Variants in TRAF3 observed in about 807,000 individuals in gnomAD.
TRAF3 encodes the protein TNF receptor associated factor 3, also known as TNF receptor-associated factor 3.
TRAF3 carries 13 observed loss-of-function variants against 62.3 expected under a neutral mutation model. The observed-to-expected ratio is 0.21, with a 90% CI of 0.14 to 0.33. The LOEUF is 0.33. TRAF3 is among the 10% of genes least tolerant of loss of function. TRAF3 has a pLI of 1.00. For synonymous variants in TRAF3, 269 were observed against 283.4 expected, an observed-to-expected ratio of 0.95 and a Z score of 0.51; for missense variants, 440 against 741.8, an observed-to-expected ratio of 0.59 and a Z score of 4.73.
intron 1 of TRAF3, among the ~76,000 whole-genome samples, chr14:102,790,827 A>G (rs747651010): frequency 6.6e-6 from 1 of 151,796 alleles, no homozygotes; most frequent in South Asian, 2.1e-4. Flanking sequence ...CAACTTTTTC[A>G]TTTTCTATAT....
intron 10 of TRAF3, among the ~76,000 whole-genome samples, chr14:102,901,124 G>A (rs987943098): frequency 6.6e-6 from 1 of 152,158 alleles, no homozygotes; most frequent in East Asian, 1.9e-4. Flanking sequence ...CTGTGCATGC[G>A]GTGCACGCAT....
At chr14:102,796,410 C>A (rs1270266996) in intron 1 of TRAF3, among the ~76,000 whole-genome samples, 2 of 152,220 alleles carry the variant, frequency 1.3e-5, no homozygotes, top group Non-Finnish European at 2.9e-5. Flanking sequence ...ACATATTTCC[C>A]TGAGTCCTGT....
chr14:102,852,976 C>G (rs1218073070), intron 2 of TRAF3, among the ~76,000 whole-genome samples: 1 of 152,154 alleles, frequency 6.6e-6, no homozygotes, highest in Non-Finnish European at 1.5e-5. Flanking sequence ...TTACTGCAAC[C>G]TCCACCTCCT....
chr14:102,882,607 C>T (rs1340971561), intron 6 of TRAF3, among the ~76,000 whole-genome samples: 1 of 150,996 alleles, frequency 6.6e-6, no homozygotes, highest in Non-Finnish European at 1.5e-5. Flanking sequence ...TATTCTCATC[C>T]CCTGAGGCCT....
intron 1 of TRAF3, among the ~76,000 whole-genome samples, chr14:102,792,293 A>C (rs964556817): frequency 6.6e-6 from 1 of 150,568 alleles, no homozygotes; most frequent in Non-Finnish European, 1.5e-5. Flanking sequence ...ACACCCTGCT[A>C]ATTTTTTAAT....
At chr14:102,788,832 T>C (rs577366597) in intron 1 of TRAF3, among the ~76,000 whole-genome samples, 1 of 150,780 alleles carries the variant, frequency 6.6e-6, no homozygotes, top group African/African-American at 2.4e-5. Flanking sequence ...CTGGGCACAG[T>C]GGCTTGAGCC....
intron 1 of TRAF3, among the ~76,000 whole-genome samples, chr14:102,808,788 T>C (rs1442345670): frequency 6.6e-6 from 1 of 152,108 alleles, no homozygotes; most frequent in Non-Finnish European, 1.5e-5. Flanking sequence ...GTTGTAGTTT[T>C]AATTTGATTG....
intron 1 of TRAF3, among the ~76,000 whole-genome samples, chr14:102,818,244 T>A (rs1275024733): frequency 6.6e-6 from 1 of 152,180 alleles, no homozygotes; most frequent in Non-Finnish European, 1.5e-5. Context: ...TTTACAATAT[T>A]TAACAATCAG....
At chr14:102,855,027 C>T (rs1887283219) in intron 2 of TRAF3, among the ~76,000 whole-genome samples, 1 of 152,122 alleles carries the variant, frequency 6.6e-6, no homozygotes, top group Admixed American at 6.5e-5. Flanking sequence ...TGGTAACTAC[C>T]AGTCTGCTTT....
intron 4 of TRAF3, among the ~76,000 whole-genome samples, chr14:102,873,463 G>T (rs1383890958): frequency 6.6e-6 from 1 of 152,182 alleles, no homozygotes; most frequent in Non-Finnish European, 1.5e-5. Flanking sequence ...TGTTTTTTTA[G>T]TATCTCTGTT....
intron 1 of TRAF3, among the ~76,000 whole-genome samples, chr14:102,807,073 C>G (rs753245689): frequency 1.3e-5 from 2 of 152,152 alleles, no homozygotes; most frequent in African/African-American, 4.8e-5. Flanking sequence ...CTGCTGATGC[C>G]GGTGGCCCCA....
In TRAF3 at chr14:102,906,475, T is replaced by G; in HGVS notation, c.*691T>G. The G allele has an allele frequency of 6.6e-6, 1 of 152,258 alleles. No homozygotes were observed. Among genetic ancestry groups the G allele is most frequent in the East Asian group, 1.9e-4 (1 of 5,206 alleles). 9.4% of individuals were successfully genotyped at this position (152,258 alleles called of 1,614,324 possible). A position where few individuals can be genotyped will look rare whatever the true frequency, so the allele number is the denominator to read the frequency against. On this transcript the variant is annotated 3_prime_UTR_variant, in exon 12 of 12. Transcript: ENST00000392745. ...ATATTTCTTGGAAGAAAATATAAAA[T>G]ATCAAACACTGGTTATCACTTGTGA...
In TRAF3 at chr14:102,826,894, T is replaced by C. The variant is rs1391728525; in HGVS notation, c.-156-3440T>C. Reference sequence around the variant, plus strand: ...GAGCTGCCCTGCTGTGTCCATGCCCTGGTGCCTCCCCGTGGTCACCATGTG... The same window carrying C: ...GAGCTGCCCTGCTGTGTCCATGCCCCGGTGCCTCCCCGTGGTCACCATGTG... On this transcript the variant is annotated intron_variant, in intron 1 of 11. Transcript: ENST00000392745. This position sits in a 1 kb window ranked among gnomAD's most constrained non-coding sequence, Gnocchi z 4.6. 6.6e-6 allele frequency among the ~76,000 whole-genome samples: 1 copy of C among 152,172 alleles called. No individual in the cohort carries two copies. Among genetic ancestry groups the C allele is most frequent in the African/African-American group, 2.4e-5 (1 of 41,442 alleles).
chr14:102,800,045 G>C (rs11624345), intron 1 of TRAF3, among the ~76,000 whole-genome samples: 1 of 151,886 alleles, frequency 6.6e-6, no homozygotes, highest in Non-Finnish European at 1.5e-5. Flanking sequence ...CTGGGCTTGC[G>C]GGCTGCCTTC....
At chr14:102,805,477 C>T (rs1350223099) in intron 1 of TRAF3, among the ~76,000 whole-genome samples, 1 of 152,160 alleles carries the variant, frequency 6.6e-6, no homozygotes, top group East Asian at 1.9e-4. Flanking sequence ...TTGCAGGATG[C>T]TGGGAGCCCC....
chr14:102,836,029 C>T (rs1246145739), intron 2 of TRAF3, among the ~76,000 whole-genome samples: 1 of 152,178 alleles, frequency 6.6e-6, no homozygotes, highest in Non-Finnish European at 1.5e-5. Flanking sequence ...CCACTGCACT[C>T]CATCGTGGGT....
Position 102,867,114 on chromosome 14 carries a change from C to T in TRAF3, c.-17-3071C>T, listed in dbSNP as rs148724645. 5.7e-3 allele frequency among the ~76,000 whole-genome samples: 868 copies of T among 152,280 alleles called. 9 individuals carry two copies. Among genetic ancestry groups the T allele is most frequent in the Admixed American group, 9.9e-3 (151 of 15,300 alleles). ...CTAGTGGAAGTATTTGTTGTTACCT[C>T]TGCTTTGGAGAGCAGTTTGGCACTC... is the stretch of plus-strand genomic sequence containing the variant. On this transcript the variant is annotated intron_variant, in intron 2 of 11. Coordinates refer to ENST00000392745, the MANE Select transcript of TRAF3 (RefSeq NM_145725.3).
rs1291941320 is a variant in TRAF3, at chr14:102,826,093, C to A, written c.-156-4241C>A. Among the ~76,000 whole-genome samples, 5 of 152,198 alleles carry A rather than the reference C, an allele frequency of 3.3e-5. No individual in the cohort carries two copies. Among genetic ancestry groups the A allele is most frequent in the Admixed American group, 6.5e-5 (1 of 15,270 alleles). On this transcript the variant is annotated intron_variant, in intron 1 of 11. Transcript: ENST00000392745. The surrounding 1 kb of genome is among the most constrained non-coding windows in gnomAD (Gnocchi z 4.6). Reference sequence around the variant, plus strand: ...TTTTCTGTAACTCGAATCCCTCCCACCCCCGTGAGGTAACAACGTCTTTTC... The same window carrying A: ...TTTTCTGTAACTCGAATCCCTCCCAACCCCGTGAGGTAACAACGTCTTTTC...
chr14:102,820,955 G>A (rs1377958691), intron 1 of TRAF3, among the ~76,000 whole-genome samples: 1 of 151,894 alleles, frequency 6.6e-6, no homozygotes, highest in Non-Finnish European at 1.5e-5. Context: ...TTTTGAAAAT[G>A]TTTCATTGCC....
Sources: gnomAD v4.1 joint callset for allele counts (sites outside exome capture counted in the v4.1 genomes callset) on GRCh38, gnomAD v4.1.1 for gene constraint, Gnocchi (gnomAD v3.1) non-coding constraint, MANE v1.5 for transcripts, NCBI Gene and HGNC (gene_info 2026-07-23, HGNC 2026-07-21) for gene names.